The following LIMCH1 variants were observed in gnomAD, a reference collection of about 807,000 sequenced individuals.
LIMCH1 encodes the protein LIM and calponin homology domains 1.
Under a neutral mutation model 176.5 loss-of-function variants are expected in LIMCH1, and 113 were observed. The ratio of observed to expected loss-of-function variants is 0.64; its 90% confidence interval spans 0.55 to 0.75. The LOEUF is 0.75. Ranked by LOEUF, LIMCH1 falls within the 30% of genes least tolerant of loss-of-function variation. The pLI, the probability that LIMCH1 is intolerant of heterozygous loss-of-function variation, is 0.00. For missense variants in LIMCH1, 1,674 were observed against 1,814.9 expected (o/e 0.92, Z 1.41); for synonymous variants, 619 against 645.9 (o/e 0.96, Z 0.63).
intron 1 of LIMCH1, among the ~76,000 whole-genome samples, chr4:41,376,750 C>T (rs1000858555): frequency 6.6e-6 from 1 of 152,072 alleles, no homozygotes; most frequent in Non-Finnish European, 1.5e-5. Flanking sequence ...TAATTTGGAA[C>T]TAGAGTTCTT....
chr4:41,508,599 A>G (rs2074467089), intron 2 of LIMCH1, among the ~76,000 whole-genome samples: 1 of 152,194 alleles, frequency 6.6e-6, no homozygotes. Context: ...ATTAGGAAAG[A>G]GCCGCAGAAG....
chr4:41,458,749 G>A (rs1432770382), intron 1 of LIMCH1, among the ~76,000 whole-genome samples: 1 of 147,092 alleles, frequency 6.8e-6, no homozygotes, highest in Non-Finnish European at 1.5e-5. Flanking sequence ...ACTCCAGCCT[G>A]GTGACAGAAT....
intron 1 of LIMCH1, among the ~76,000 whole-genome samples, chr4:41,460,454 T>TTATATATATATATA (rs1561441509): frequency 4.7e-5 from 3 of 63,746 alleles, no homozygotes; most frequent in African/African-American, 3.6e-4. Context: ...ACTATAGTAA[T>TTATATATATATATA]CATCTATATA....
rs1461501871 is a variant in LIMCH1, at chr4:41,605,968, G to A, written c.-28G>A. The A allele has an allele frequency of 1.2e-6, 2 of 1,613,632 alleles. No homozygotes were observed. Among genetic ancestry groups the A allele is most frequent in the African/African-American group, 1.3e-5 (1 of 74,926 alleles). ...CCTACAGCGGAACGACACTAAACCT[G>A]AAGGAGTTTGAAGGATTGTTGGCTC... is the stretch of plus-strand genomic sequence containing the variant. On this transcript the variant is annotated 5_prime_UTR_variant, in exon 4 of 32. Coordinates refer to ENST00000503057, the MANE Select transcript of LIMCH1 (RefSeq NM_001330672.2).
chr4:41,490,508 C>G (rs561532723), intron 1 of LIMCH1, among the ~76,000 whole-genome samples: 1 of 152,236 alleles, frequency 6.6e-6, no homozygotes, highest in Non-Finnish European at 1.5e-5. Context: ...CTTCAAGCAT[C>G]TGTTTAACAA....
chr4:41,689,000 G>A (rs1269597024), intron 29 of LIMCH1: 1 of 152,694 alleles, frequency 6.5e-6, no homozygotes, highest in Admixed American at 6.5e-5. Flanking sequence ...TGGCGACAGA[G>A]CAGACATTAG....
At chr4:41,454,940 ATGTGTGTGTGTGTGTG>A (rs761501125) in intron 1 of LIMCH1, among the ~76,000 whole-genome samples, 17 of 131,256 alleles carry the variant, frequency 1.3e-4, no homozygotes, top group Admixed American at 1.1e-3. Context: ...GTATGCGTAC[ATGTGTGTGTGTGTGTG>A]TGTGTGTGTG....
intron 1 of LIMCH1, among the ~76,000 whole-genome samples, chr4:41,368,905 A>G (rs1273478365): frequency 6.6e-6 from 1 of 152,162 alleles, no homozygotes; most frequent in Non-Finnish European, 1.5e-5. Context: ...AAATTCTTGG[A>G]CAAAATAGAG....
At chr4:41,603,970 T>C (rs2090338624) in intron 3 of LIMCH1, 65 bp downstream of exon 3, 1 of 1,374,916 alleles carries the variant, frequency 7.3e-7, no homozygotes, top group East Asian at 2.3e-5. Context: ...GCTAATTCAG[T>C]GTTTCTCATA....
chr4:41,501,995 C>T (rs1458748826), intron 2 of LIMCH1, among the ~76,000 whole-genome samples: 1 of 150,538 alleles, frequency 6.6e-6, no homozygotes, highest in Non-Finnish European at 1.5e-5. Context: ...TAGATCAACC[C>T]ATCACCCAGG....
chr4:41,498,128 A>G (rs1311259930), intron 2 of LIMCH1, among the ~76,000 whole-genome samples: 6 of 152,184 alleles, frequency 3.9e-5, no homozygotes, highest in Admixed American at 3.9e-4. Flanking sequence ...GAGAGCTGAA[A>G]GGGTCGGAGG....
At chr4:41,644,357 G>T (rs1179742735) in intron 14 of LIMCH1, 143 bp from the exon 15 acceptor site, 2 of 1,122,360 alleles carry the variant, frequency 1.8e-6, no homozygotes, top group Non-Finnish European at 2.4e-6. Flanking sequence ...AGAACACACC[G>T]CCAGTCACGC....
At chr4:41,463,399 A>G (rs1334885563) in intron 1 of LIMCH1, among the ~76,000 whole-genome samples, 5 of 152,236 alleles carry the variant, frequency 3.3e-5, no homozygotes, top group Admixed American at 6.5e-5. Flanking sequence ...TCCCATTGGT[A>G]GTAAATCTGT....
chr4:41,474,547 C>G (rs2067448845), intron 1 of LIMCH1, among the ~76,000 whole-genome samples: 1 of 152,108 alleles, frequency 6.6e-6, no homozygotes, highest in South Asian at 2.1e-4. Flanking sequence ...AGAAGACACA[C>G]AAATGGCCAA....
rs577144573 is a variant in LIMCH1, at chr4:41,396,529, G to T, written c.96+35593G>T. Among the ~76,000 whole-genome samples, 316 of 151,448 alleles carry T rather than the reference G, an allele frequency of 2.1e-3. 1 individual carries two copies. Among genetic ancestry groups the T allele is most frequent in the African/African-American group, 7.4e-3 (304 of 41,196 alleles). On this transcript the variant is annotated intron_variant, in intron 1 of 26. Transcript: ENST00000313860. ...GATTGTATTGTGCGGGTTTTTTTTT[G>T]TTTTGTTTTCTTTTGTTTGTTTGTT... is the stretch of plus-strand genomic sequence containing the variant.
chr4:41,515,445 G>A (rs796449139), intron 2 of LIMCH1, among the ~76,000 whole-genome samples: 5 of 152,352 alleles, frequency 3.3e-5, no homozygotes, highest in East Asian at 1.9e-4. Context: ...TTCTCAGGAG[G>A]AGAAGTGAGC....
chr4:41,648,972 G>T (rs2094180477), intron 17 of LIMCH1, among the ~76,000 whole-genome samples: 1 of 152,182 alleles, frequency 6.6e-6, no homozygotes, highest in Admixed American at 6.5e-5. Context: ...ATTTATGTGT[G>T]TGTGTGTGTG....
At chr4:41,491,301 CCT>C (rs2070898061) in intron 1 of LIMCH1, among the ~76,000 whole-genome samples, 1 of 149,206 alleles carries the variant, frequency 6.7e-6, no homozygotes, top group African/African-American at 2.5e-5. Context: ...GCGCTCCCCA[CCT>C]CCCAGACGGG....
Position 41,629,713 on chromosome 4 carries a change from T to A in LIMCH1, c.1250T>A (p.Leu417His). ...GCTGACTTGGAGACGTGGGAGAGAC[T>A]CAAAGTGTCAGAAAAGGCGAGGTGT... Reference protein sequence around the residue: ...TEADLETWERLKVSEKARDGD... With the variant: ...TEADLETWERHKVSEKARDGD... The change falls in exon 9 of 32, where the codon CTC becomes CAC. Residue 417 changes from leucine to histidine, a missense_variant. Coordinates refer to ENST00000503057, the MANE Select transcript of LIMCH1 (RefSeq NM_001330672.2). 6.5e-7 allele frequency: 1 copy of A among 1,535,794 alleles called. No individual in the cohort carries two copies.
Sources: allele counts gnomAD v4.1 joint callset (sites outside exome capture counted in the v4.1 genomes callset), GRCh38; gene constraint gnomAD v4.1.1; transcripts MANE v1.5; gene names NCBI Gene and HGNC (gene_info 2026-07-23, HGNC 2026-07-21).